Variants in HIP1 observed in about 807,000 individuals in gnomAD.
HIP1 encodes huntingtin-interacting protein 1.
In HIP1, 65 loss-of-function variants were observed where a neutral mutation model predicts 147.6. The observed-to-expected ratio is 0.44, with a 90% CI of 0.36 to 0.54. The LOEUF (loss-of-function observed/expected upper bound fraction) is 0.54. Ranked by LOEUF, HIP1 falls within the 20% of genes least tolerant of loss-of-function variation. HIP1 has a pLI of 0.00. For missense variants in HIP1, 1,061 were observed against 1,299.6 expected, an observed-to-expected ratio of 0.82 and a Z score of 2.82; for synonymous variants, 479 against 504.0, an observed-to-expected ratio of 0.95 and a Z score of 0.67.
intron 9 of HIP1, among the ~76,000 whole-genome samples, chr7:75,564,085 T>A (rs1460148588): frequency 1.3e-5 from 2 of 152,156 alleles, no homozygotes; most frequent in Non-Finnish European, 2.9e-5. Context: ...AGAAACAGGC[T>A]CTTGCTGTGT....
intron 1 of HIP1, among the ~76,000 whole-genome samples, chr7:75,705,548 A>G (rs1427821413): frequency 3.3e-5 from 5 of 151,430 alleles, no homozygotes; most frequent in Non-Finnish European, 5.9e-5. Flanking sequence ...TTTGTTAGCG[A>G]TGAGGTTTTG....
intron 2 of HIP1, among the ~76,000 whole-genome samples, chr7:75,592,835 G>A (rs1424857796): frequency 2.6e-5 from 4 of 152,184 alleles, no homozygotes; most frequent in African/African-American, 4.8e-5. Flanking sequence ...ACAATTTCCC[G>A]AGATGTAAGC....
intron 29 of HIP1, among the ~76,000 whole-genome samples, chr7:75,540,466 T>A (rs1306401376): frequency 6.7e-6 from 1 of 148,612 alleles, no homozygotes; most frequent in Non-Finnish European, 1.5e-5. Context: ...AAAAATTAGC[T>A]GGGCATGGTG....
intron 1 of HIP1, among the ~76,000 whole-genome samples, chr7:75,645,130 C>G (rs1554510944): frequency 6.6e-6 from 1 of 152,188 alleles, no homozygotes; most frequent in Non-Finnish European, 1.5e-5. Context: ...ATCATAATAA[C>G]AGATAACATT....
chr7:75,666,450 G>T (rs201375120), intron 1 of HIP1, among the ~76,000 whole-genome samples: 1 of 152,094 alleles, frequency 6.6e-6, no homozygotes, highest in Non-Finnish European at 1.5e-5. Context: ...GATTACAGGC[G>T]TGAGCCACCG....
At chr7:75,595,331 CTCGT>C (rs782369957) in intron 2 of HIP1, among the ~76,000 whole-genome samples, 9 of 146,518 alleles carry the variant, frequency 6.1e-5, no homozygotes, top group Admixed American at 2.1e-4. Context: ...CCCTCTCTCT[CTCGT>C]TCGTTCTTTC....
At chr7:75,738,036 G>A (rs1802082700) in intron 1 of HIP1, among the ~76,000 whole-genome samples, 1 of 152,200 alleles carries the variant, frequency 6.6e-6, no homozygotes, top group Non-Finnish European at 1.5e-5. Flanking sequence ...TGACACTGAG[G>A]AATTTTGGCC....
At chr7:75,666,442 T>C (rs1372058972) in intron 1 of HIP1, among the ~76,000 whole-genome samples, 2 of 152,158 alleles carry the variant, frequency 1.3e-5, no homozygotes, top group East Asian at 1.9e-4. Flanking sequence ...AGTGCTGGGA[T>C]TACAGGCGTG....
chr7:75,634,881 A>C (rs1401591422), intron 1 of HIP1, among the ~76,000 whole-genome samples: 1 of 142,952 alleles, frequency 7.0e-6, no homozygotes, highest in Non-Finnish European at 1.5e-5. Context: ...TCGAGGCTAG[A>C]GTCAGCTACA....
intron 1 of HIP1, among the ~76,000 whole-genome samples, chr7:75,658,841 C>T (rs1554513169): frequency 6.6e-6 from 1 of 152,024 alleles, no homozygotes; most frequent in Non-Finnish European, 1.5e-5. Context: ...CTGCAGTGAG[C>T]TATGATTGTG....
chr7:75,723,133 C>T (rs782748145), intron 1 of HIP1, among the ~76,000 whole-genome samples: 1 of 151,972 alleles, frequency 6.6e-6, no homozygotes, highest in Admixed American at 6.6e-5. Context: ...ATTGGGAGGC[C>T]GAGGTGGGCA....
intron 1 of HIP1, among the ~76,000 whole-genome samples, chr7:75,628,996 G>A (rs1289948124): frequency 6.6e-6 from 1 of 152,210 alleles, no homozygotes; most frequent in African/African-American, 2.4e-5. Context: ...GAGCTAGGGG[G>A]AGTAGGGAGG....
intron 1 of HIP1, among the ~76,000 whole-genome samples, chr7:75,645,818 C>T (rs1554511055): frequency 6.6e-6 from 1 of 152,162 alleles, no homozygotes; most frequent in Non-Finnish European, 1.5e-5. Flanking sequence ...AGGCCATTAT[C>T]CTAAGTGAAT....
intron 22 of HIP1, among the ~76,000 whole-genome samples, chr7:75,550,331 T>C (rs1794736464): frequency 6.6e-6 from 1 of 152,378 alleles, no homozygotes; most frequent in East Asian, 1.9e-4. Context: ...AACTTGTATG[T>C]GCCCTGATTC....
intron 1 of HIP1, among the ~76,000 whole-genome samples, chr7:75,693,773 A>AAGGG (rs781904253): frequency 7.2e-6 from 1 of 137,996 alleles, no homozygotes; most frequent in Non-Finnish European, 1.6e-5. Flanking sequence ...TACTCGGGGG[A>AAGGG]AGGGAGGGAG....
chr7:75,706,473 C>CTT (rs139655610), intron 1 of HIP1, among the ~76,000 whole-genome samples: 17,750 of 137,944 alleles, frequency 0.13, 1,609 homozygotes, highest in East Asian at 0.27. Flanking sequence ...TATATATCTT[C>CTT]TTTTTTTTTA....
At chr7:75,657,491 T>G (rs1277356358) in intron 1 of HIP1, among the ~76,000 whole-genome samples, 2 of 149,070 alleles carry the variant, frequency 1.3e-5, no homozygotes, top group African/African-American at 2.5e-5. Flanking sequence ...GATCCCGCCA[T>G]TGCACTCCAG....
intron 1 of HIP1, among the ~76,000 whole-genome samples, chr7:75,673,319 G>A (rs1006438608): frequency 1.3e-5 from 2 of 152,064 alleles, no homozygotes; most frequent in Non-Finnish European, 2.9e-5. Context: ...CACTGAGCCC[G>A]GCCTTGTTCT....
intron 1 of HIP1, among the ~76,000 whole-genome samples, chr7:75,696,510 T>C (rs1341400450): frequency 4.4e-5 from 5 of 112,914 alleles, no homozygotes; most frequent in South Asian, 7.0e-4. Flanking sequence ...CCTTCCCTTC[T>C]CCTCCCCTCC....
Sources: allele counts gnomAD v4.1 joint callset (sites outside exome capture counted in the v4.1 genomes callset), GRCh38; gene constraint gnomAD v4.1.1; transcripts MANE v1.5; gene names NCBI Gene and HGNC (gene_info 2026-07-23, HGNC 2026-07-21).